Variants in ATRNL1 observed in about 807,000 individuals in gnomAD.
ATRNL1 encodes the protein attractin-like protein 1.
Under a neutral mutation model 182.7 loss-of-function variants are expected in ATRNL1, and 95 were observed. The ratio of observed to expected loss-of-function variants is 0.52; its 90% CI spans 0.44 to 0.62. ATRNL1 has a LOEUF of 0.62. ATRNL1 is among the 20% of genes least tolerant of loss of function. The probability of loss-of-function intolerance (pLI) is 0.00; values close to 1 mark genes in which losing one functional copy is unlikely to be tolerated. For synonymous variants in ATRNL1, 576 were observed against 568.3 expected (o/e 1.01, Z -0.19); for missense variants, 1,471 against 1,679.5 (o/e 0.88, Z 2.17).
intron 25 of ATRNL1, among the ~76,000 whole-genome samples, chr10:115,543,711 G>A (rs1554992763): frequency 6.6e-6 from 1 of 151,458 alleles, no homozygotes. Context: ...TACTTATATT[G>A]AATTCTTTTA....
At chr10:115,872,201 ACATT>A (rs1555106299) in intron 28 of ATRNL1, among the ~76,000 whole-genome samples, 1 of 152,238 alleles carries the variant, frequency 6.6e-6, no homozygotes, top group African/African-American at 2.4e-5. Context: ...CTACAAGAAT[ACATT>A]TGCTTCCTAG....
In ATRNL1 at chr10:115,727,396, A is replaced by G. The variant is rs782482022; in HGVS notation, c.3903+41A>G. 4.9e-6 allele frequency: 7 copies of G among 1,420,808 alleles called. No homozygotes were observed. In the African/African-American group the frequency reaches 8.5e-5, roughly 17 times the overall value. The allele number at this position is 1,420,808 out of a possible 1,614,324, so 88.0% of individuals were successfully genotyped here. On this transcript the variant is annotated intron_variant, in intron 27 of 28. Transcript: ENST00000355044. Reference sequence around the variant, plus strand: ...CTGAAAGAGGACCACTGTGCTTTGCATATTTATTATATTGCTTCTCTAATC... The same window carrying G: ...CTGAAAGAGGACCACTGTGCTTTGCGTATTTATTATATTGCTTCTCTAATC...
At chr10:115,759,962 G>A (rs955487156) in intron 27 of ATRNL1, among the ~76,000 whole-genome samples, 3 of 149,114 alleles carry the variant, frequency 2.0e-5, no homozygotes, top group Non-Finnish European at 4.4e-5. Context: ...AAAGTGCTGC[G>A]ATTACAAGCG....
At chr10:115,787,583 T>A (rs1452886388) in intron 27 of ATRNL1, among the ~76,000 whole-genome samples, 2 of 152,170 alleles carry the variant, frequency 1.3e-5, no homozygotes, top group African/African-American at 4.8e-5. Flanking sequence ...AAGCTTCATG[T>A]CCCACTACTT....
At chr10:115,720,267 G>A (rs1190817940) in intron 26 of ATRNL1, among the ~76,000 whole-genome samples, 1 of 151,994 alleles carries the variant, frequency 6.6e-6, no homozygotes, top group Admixed American at 6.6e-5. Context: ...ACAAAGAATC[G>A]CCCCTGTAAG....
rs1554909203 is a variant in ATRNL1, at chr10:115,263,035, G to T, written c.1688-2158G>T. Among the ~76,000 whole-genome samples, 3 of 151,760 alleles carry T rather than the reference G, an allele frequency of 2.0e-5. No individual in the cohort carries two copies. The South Asian group carries it at 6.2e-4, about 31-fold the overall frequency. ...CAAAATATGCACAAGATACATATAA[G>T]AGTGAATATACCAACATGACTTGTA... On this transcript the variant is annotated intron_variant, in intron 10 of 28. Transcript: ENST00000355044.
intron 26 of ATRNL1, among the ~76,000 whole-genome samples, chr10:115,654,339 C>A (rs1555035185): frequency 2.6e-5 from 4 of 151,958 alleles, no homozygotes; most frequent in African/African-American, 9.7e-5. Context: ...CCTGCCTCAG[C>A]CTCCCAAGTA....
chr10:115,109,417 A>G (rs1844165517), intron 1 of ATRNL1, among the ~76,000 whole-genome samples: 2 of 152,212 alleles, frequency 1.3e-5, no homozygotes, highest in African/African-American at 4.8e-5. Context: ...GCATCATTGC[A>G]TGACAGAAGA....
chr10:115,215,654 A>G, intron 8 of ATRNL1, 43 bp from the exon 9 acceptor site: 2 of 1,448,460 alleles, frequency 1.4e-6, no homozygotes, highest in South Asian at 2.8e-5. Context: ...TTATATTTAA[A>G]AATACTACTT....
chr10:115,395,468 GA>G (rs1844241556), intron 20 of ATRNL1, among the ~76,000 whole-genome samples: 1 of 151,808 alleles, frequency 6.6e-6, no homozygotes, highest in Non-Finnish European at 1.5e-5. Flanking sequence ...TGCATTTCTA[GA>G]AAAAGATGCA....
intron 25 of ATRNL1, among the ~76,000 whole-genome samples, chr10:115,521,544 A>C (rs1467680815): frequency 2.0e-5 from 3 of 152,190 alleles, no homozygotes; most frequent in Non-Finnish European, 4.4e-5. Flanking sequence ...ATATGTATGT[A>C]AATTATTTGA....
intron 27 of ATRNL1, among the ~76,000 whole-genome samples, chr10:115,730,059 C>G (rs780616700): frequency 3.3e-5 from 5 of 151,524 alleles, no homozygotes; most frequent in Non-Finnish European, 7.4e-5. Flanking sequence ...GAGTTCAAGA[C>G]CTGTCTGGCC....
chr10:115,254,565 A>C (rs1554906252), intron 10 of ATRNL1, among the ~76,000 whole-genome samples: 1 of 151,656 alleles, frequency 6.6e-6, no homozygotes, highest in Non-Finnish European at 1.5e-5. Context: ...GATTGCAAAA[A>C]TTTTCTCCCA....
At chr10:115,780,577 A>C (rs1313463542) in intron 27 of ATRNL1, among the ~76,000 whole-genome samples, 2 of 152,154 alleles carry the variant, frequency 1.3e-5, no homozygotes, top group Non-Finnish European at 2.9e-5. Context: ...AGGAGAGGGA[A>C]GAGTAAAGAG....
At chr10:115,648,365 A>G (rs1160526882) in intron 26 of ATRNL1, among the ~76,000 whole-genome samples, 1 of 152,194 alleles carries the variant, frequency 6.6e-6, no homozygotes, top group African/African-American at 2.4e-5. Context: ...ATACCATGAA[A>G]ATGGCCATAC....
rs1023105539 is a variant in ATRNL1, at chr10:115,556,694, G to C, written c.3795+7158G>C. ...TTACCCCACTGCATTTTACCTAACA[G>C]ACTTCAATAAATATTAGCTGTTATT... is the stretch of plus-strand genomic sequence containing the variant. On this transcript the variant is annotated intron_variant, in intron 26 of 28. Coordinates refer to ENST00000355044, the MANE Select transcript of ATRNL1 (RefSeq NM_207303.4). Among the ~76,000 whole-genome samples the C allele has an allele frequency of 2.6e-5, 4 of 151,994 alleles. No homozygotes were observed. The South Asian group carries it at 8.3e-4, about 32-fold the overall frequency.
At chr10:115,783,226 CCACA>C (rs56301408) in intron 27 of ATRNL1, among the ~76,000 whole-genome samples, 60,587 of 149,892 alleles carry the variant, frequency 0.4, 12,504 homozygotes, top group South Asian at 0.53. Flanking sequence ...CTATATGATG[CCACA>C]CACACACACA....
intron 26 of ATRNL1, among the ~76,000 whole-genome samples, chr10:115,709,522 G>C (rs1210016862): frequency 4.0e-5 from 6 of 151,754 alleles, no homozygotes; most frequent in Non-Finnish European, 7.4e-5. Context: ...TAACTAAAAG[G>C]GAATGGAAAA....
At chr10:115,676,270 G>A (rs12244846) in intron 26 of ATRNL1, among the ~76,000 whole-genome samples, 1,768 of 151,956 alleles carry the variant, frequency 0.012, 34 homozygotes, top group African/African-American at 0.04. Context: ...AAAACAAAAA[G>A]AACTTTCAAA....
Sources: allele counts gnomAD v4.1 joint callset (sites outside exome capture counted in the v4.1 genomes callset), GRCh38; gene constraint gnomAD v4.1.1; transcripts MANE v1.5; gene names NCBI Gene and HGNC (gene_info 2026-07-23, HGNC 2026-07-21).